CRTAC1: variants seen among roughly 807,000 people sequenced by gnomAD.
CRTAC1 encodes the protein cartilage acidic protein 1, also known as acidic secreted protein in cartilage.
In CRTAC1, 37 loss-of-function variants were observed where a neutral mutation model predicts 67.8. The observed-to-expected ratio is 0.55, with a 90% confidence interval of 0.42 to 0.72. The LOEUF is 0.72. CRTAC1 is among the 30% of genes least tolerant of loss of function. The pLI is 0.00. For missense variants in CRTAC1, 780 were observed against 931.6 expected, an observed-to-expected ratio of 0.84 and a Z score of 2.12; for synonymous variants, 348 against 371.0, an observed-to-expected ratio of 0.94 and a Z score of 0.71.
chr10:98,005,876 T>G (rs938463787), intron 2 of CRTAC1, among the ~76,000 whole-genome samples: 6 of 152,178 alleles, frequency 3.9e-5, no homozygotes, highest in Admixed American at 3.3e-4. Context: ...TTTAGTAAAT[T>G]AAAAAAGTTT....
chr10:97,892,161 A>G (rs1243131642), intron 11 of CRTAC1, among the ~76,000 whole-genome samples: 10 of 152,134 alleles, frequency 6.6e-5, no homozygotes, highest in Non-Finnish European at 1.5e-5. Context: ...CCACCACATG[A>G]CCTGGCTAAG....
At chr10:97,959,234 C>T (rs1244110853) in intron 2 of CRTAC1, among the ~76,000 whole-genome samples, 1 of 152,166 alleles carries the variant, frequency 6.6e-6, no homozygotes, top group Non-Finnish European at 1.5e-5. Flanking sequence ...GAATCATACT[C>T]CTGGCCAAGA....
At chr10:97,899,308 T>C (rs1318710444) in intron 8 of CRTAC1, among the ~76,000 whole-genome samples, 1 of 152,178 alleles carries the variant, frequency 6.6e-6, no homozygotes, top group Non-Finnish European at 1.5e-5. Context: ...CACTAACCCA[T>C]TGGGCAGCCA....
chr10:97,881,585 G>A (rs2050215479), intron 13 of CRTAC1, among the ~76,000 whole-genome samples: 1 of 152,184 alleles, frequency 6.6e-6, no homozygotes, highest in South Asian at 2.1e-4. Context: ...CTGTGTACGA[G>A]GCACATAACT....
chr10:97,941,389 A>G (rs2051173294), intron 2 of CRTAC1, among the ~76,000 whole-genome samples: 1 of 151,810 alleles, frequency 6.6e-6, no homozygotes, highest in African/African-American at 2.4e-5. Context: ...CCCTTTCACT[A>G]TGGGATAATG....
chr10:97,879,955 T>C (rs534057292), intron 14 of CRTAC1, among the ~76,000 whole-genome samples: 5 of 152,270 alleles, frequency 3.3e-5, no homozygotes, highest in African/African-American at 1.2e-4. Context: ...ATATCCCAGC[T>C]ATGAAAATAC....
intron 2 of CRTAC1, among the ~76,000 whole-genome samples, chr10:97,982,558 A>C (rs1045700489): frequency 2.0e-5 from 3 of 152,216 alleles, no homozygotes; most frequent in African/African-American, 7.2e-5. Context: ...TTACCAAAAC[A>C]CATCAGAAAA....
chr10:97,890,931 C>T (rs907105057), intron 11 of CRTAC1, among the ~76,000 whole-genome samples: 32 of 151,942 alleles, frequency 2.1e-4, no homozygotes, highest in Middle Eastern at 3.4e-3. Context: ...CCTCCCAAAG[C>T]GCTGGGAGGA....
chr10:97,965,363 T>A (rs2051598027), intron 2 of CRTAC1, among the ~76,000 whole-genome samples: 1 of 152,220 alleles, frequency 6.6e-6, no homozygotes, highest in Non-Finnish European at 1.5e-5. Flanking sequence ...ATGAGGAAAC[T>A]GAGGCAAAAG....
intron 3 of CRTAC1, among the ~76,000 whole-genome samples, chr10:97,924,096 T>G (rs1026550221): frequency 1.3e-5 from 2 of 151,892 alleles, no homozygotes; most frequent in African/African-American, 2.4e-5. Flanking sequence ...GAGTTGCAGG[T>G]CTGCACACCA....
At chr10:97,906,392 T>C (rs763038120) in intron 6 of CRTAC1, among the ~76,000 whole-genome samples, 15 of 152,192 alleles carry the variant, frequency 9.9e-5, no homozygotes, top group Non-Finnish European at 1.9e-4. Flanking sequence ...CCAGGCTGCA[T>C]TTCACAGCAG....
At chr10:97,923,239 G>A (rs1252777986) in intron 4 of CRTAC1, 25 bp downstream of exon 4, 2 of 1,613,594 alleles carry the variant, frequency 1.2e-6, no homozygotes, top group Non-Finnish European at 1.7e-6. Context: ...CTTCTCCCCA[G>A]GACCCCATGT....
rs543242373 is a variant in CRTAC1, at chr10:97,887,973, A to G, written c.1487-3622T>C. On this transcript the variant is annotated intron_variant, in intron 11 of 14. Transcript: ENST00000370597. ...ATCGAAACTTCACATCTCCACGAGG[A>G]AGGTGCCAGTGTTATCATTTCTGCC... Among the ~76,000 whole-genome samples, 5 of 152,362 alleles carry G rather than the reference A, an allele frequency of 3.3e-5. No individual in the cohort carries two copies. In the East Asian group the frequency reaches 9.6e-4, roughly 29 times the overall value.
chr10:97,935,946 C>G (rs2051079135), intron 3 of CRTAC1, among the ~76,000 whole-genome samples: 3 of 152,124 alleles, frequency 2.0e-5, no homozygotes, highest in Admixed American at 2.0e-4. Context: ...CTCACCCTGT[C>G]CATCTCCAGG....
chr10:97,868,115 C>T (rs1010625208), intron 14 of CRTAC1: 4 of 152,380 alleles, frequency 2.6e-5, no homozygotes, highest in South Asian at 2.1e-4. Context: ...GATCACTTCT[C>T]GGCCTTTTGG....
intron 5 of CRTAC1, among the ~76,000 whole-genome samples, chr10:97,914,264 T>G (rs1395174336): frequency 6.6e-6 from 1 of 152,036 alleles, no homozygotes; most frequent in African/African-American, 2.4e-5. Flanking sequence ...GGGCTGGGCC[T>G]GCTTCTCTTG....
chr10:97,959,100 C>G (rs992389413), intron 2 of CRTAC1, among the ~76,000 whole-genome samples: 1 of 152,140 alleles, frequency 6.6e-6, no homozygotes, highest in African/African-American at 2.4e-5. Flanking sequence ...GTTCAAGTAA[C>G]AGGTCTGTGA....
intron 2 of CRTAC1, among the ~76,000 whole-genome samples, chr10:97,939,353 A>G (rs906405495): frequency 6.6e-6 from 1 of 152,132 alleles, no homozygotes; most frequent in Non-Finnish European, 1.5e-5. Context: ...GCTGGGTCAA[A>G]TTCTTCGATC....
At chr10:98,002,428 C>T (rs897924902) in intron 2 of CRTAC1, among the ~76,000 whole-genome samples, 17 of 152,108 alleles carry the variant, frequency 1.1e-4, no homozygotes, top group Non-Finnish European at 2.4e-4. Flanking sequence ...AGGCCTCTGT[C>T]CCCTTGGTAA....
Sources: gnomAD v4.1 joint callset for allele counts (sites outside exome capture counted in the v4.1 genomes callset) on GRCh38, gnomAD v4.1.1 for gene constraint, MANE v1.5 for transcripts, NCBI Gene and HGNC (gene_info 2026-07-23, HGNC 2026-07-21) for gene names.